Variants in KIAA1217 observed in about 807,000 individuals in gnomAD.
KIAA1217 encodes sickle tail protein homolog.
In KIAA1217, 88 loss-of-function variants were observed where a neutral mutation model predicts 163.9. That is an observed-to-expected ratio of 0.54 (90% CI 0.45 to 0.64). The LOEUF (loss-of-function observed/expected upper bound fraction) is 0.64, where lower values mean the gene tolerates loss of function less well. Among genes scored for constraint, KIAA1217 ranks in the 30% least tolerant of loss-of-function variants. The probability of loss-of-function intolerance (pLI) is 0.00; values close to 1 mark genes in which losing one functional copy is unlikely to be tolerated. For synonymous variants in KIAA1217, 903 were observed against 923.1 expected, an observed-to-expected ratio of 0.98 and a Z score of 0.39; for missense variants, 2,372 against 2,475.0, an observed-to-expected ratio of 0.96 and a Z score of 0.88.
chr10:24,137,300 T>A (rs921531670), intron 2 of KIAA1217, among the ~76,000 whole-genome samples: 1 of 152,186 alleles, frequency 6.6e-6, no homozygotes, highest in Non-Finnish European at 1.5e-5. Context: ...GATGACTGAA[T>A]CCTGCAGAGA....
Position 23,808,154 on chromosome 10 carries a change from G to A in KIAA1217, c.-321+112920G>A, listed in dbSNP as rs76368193. 5.7e-3 allele frequency among the ~76,000 whole-genome samples: 871 copies of A among 152,300 alleles called. 4 individuals are homozygous for A. Among genetic ancestry groups the A allele is most frequent in the African/African-American group, 0.018 (763 of 41,548 alleles). ...GTACTGAGAAATTAACATGAAAAAT[G>A]TCTTGGAATGGGAGAAATGAGTAGG... On this transcript the variant is annotated intron_variant, in intron 1 of 18. Coordinates refer to the KIAA1217 transcript ENST00000376462.
intron 2 of KIAA1217, among the ~76,000 whole-genome samples, chr10:24,176,030 A>C (rs1317083328): frequency 1.3e-5 from 2 of 152,200 alleles, no homozygotes; most frequent in Non-Finnish European, 2.9e-5. Context: ...TGGCTCTGGC[A>C]ACCTGCTTTT....
At chr10:24,465,684 G>T (rs1313043093) in intron 5 of KIAA1217, among the ~76,000 whole-genome samples, 1 of 152,174 alleles carries the variant, frequency 6.6e-6, no homozygotes, top group East Asian at 1.9e-4. Context: ...CCCACCTTTT[G>T]CTAGCAATGC....
chr10:24,233,736 TTATC>T (rs1158491460), intron 2 of KIAA1217, among the ~76,000 whole-genome samples: 1 of 152,242 alleles, frequency 6.6e-6, no homozygotes, highest in Non-Finnish European at 1.5e-5. Flanking sequence ...TCATGGACAT[TTATC>T]TATTCTGTAT....
At chr10:24,279,636 A>T (rs1320786359) in intron 2 of KIAA1217, among the ~76,000 whole-genome samples, 1 of 152,208 alleles carries the variant, frequency 6.6e-6, no homozygotes, top group East Asian at 1.9e-4. Flanking sequence ...TCAATCAAAA[A>T]GTGTAATGAA....
chr10:24,421,919 A>G (rs754575207), intron 3 of KIAA1217, among the ~76,000 whole-genome samples: 4 of 152,150 alleles, frequency 2.6e-5, no homozygotes, highest in Non-Finnish European at 4.4e-5. Context: ...TTCTTATTCT[A>G]TGTCTTCGTC....
chr10:24,405,257 C>A (rs915346283), intron 3 of KIAA1217, among the ~76,000 whole-genome samples: 1 of 152,064 alleles, frequency 6.6e-6, no homozygotes, highest in East Asian at 1.9e-4. Flanking sequence ...AGAGTGCCTG[C>A]GACCTCCCTG....
In KIAA1217 at chr10:24,131,157, T is replaced by C. The variant is rs549126767; in HGVS notation, c.-170-88469T>C. 1.7e-4 allele frequency among the ~76,000 whole-genome samples: 26 copies of C among 152,322 alleles called. 1 individual carries two copies. The East Asian group carries it at 4.8e-3, about 28-fold the overall frequency. ...TAAAAATAGCATTAACATACTGAGA[T>C]CCAAGGTGGATTTGAAGACTATTTT... On this transcript the variant is annotated intron_variant, in intron 2 of 18. Coordinates refer to the KIAA1217 transcript ENST00000376462.
At chr10:24,301,357 G>GC (rs2041307755) in intron 2 of KIAA1217, among the ~76,000 whole-genome samples, 1 of 152,146 alleles carries the variant, frequency 6.6e-6, no homozygotes, top group African/African-American at 2.4e-5. Flanking sequence ...TACTATTAAG[G>GC]CTGATAAACT....
chr10:23,893,691 G>A (rs1438926468), intron 1 of KIAA1217, among the ~76,000 whole-genome samples: 1 of 151,944 alleles, frequency 6.6e-6, no homozygotes, highest in Non-Finnish European at 1.5e-5. Flanking sequence ...AACCAAAAAA[G>A]AGAATTTTAG....
intron 2 of KIAA1217, among the ~76,000 whole-genome samples, chr10:24,225,554 T>C (rs1450298812): frequency 1.3e-5 from 2 of 152,254 alleles, no homozygotes; most frequent in Admixed American, 1.3e-4. Context: ...ATTTCTTTTA[T>C]TTATTTATCC....
At chr10:24,262,519 C>T (rs753236376) in intron 2 of KIAA1217, among the ~76,000 whole-genome samples, 10 of 151,516 alleles carry the variant, frequency 6.6e-5, no homozygotes, top group Non-Finnish European at 1.2e-4. Context: ...CCCAGCTTTT[C>T]GGGAGGCTGA....
intron 9 of KIAA1217, among the ~76,000 whole-genome samples, chr10:24,505,665 T>C (rs2068245320): frequency 6.6e-6 from 1 of 152,064 alleles, no homozygotes; most frequent in African/African-American, 2.4e-5. Context: ...GACCTCCTAC[T>C]TCTTTCATCC....
At chr10:24,140,249 A>C (rs1351149445) in intron 2 of KIAA1217, among the ~76,000 whole-genome samples, 1 of 151,692 alleles carries the variant, frequency 6.6e-6, no homozygotes, top group African/African-American at 2.4e-5. Flanking sequence ...AGTCCCAGCT[A>C]CTCAGGAGGC....
intron 1 of KIAA1217, among the ~76,000 whole-genome samples, chr10:23,985,716 TG>T (rs955797467): frequency 1.3e-4 from 20 of 152,232 alleles, no homozygotes; most frequent in African/African-American, 4.6e-4. Context: ...CTTGGTTCTT[TG>T]GGTTTCCTTG....
At chr10:23,730,916 T>A (rs1838439556) in intron 1 of KIAA1217, among the ~76,000 whole-genome samples, 1 of 152,234 alleles carries the variant, frequency 6.6e-6, no homozygotes, top group South Asian at 2.1e-4. Flanking sequence ...ATTTTCTTCA[T>A]AGACTAACAT....
chr10:24,386,325 C>T (rs1215717198), intron 3 of KIAA1217, among the ~76,000 whole-genome samples: 1 of 152,056 alleles, frequency 6.6e-6, no homozygotes, highest in East Asian at 1.9e-4. Flanking sequence ...TCTTTTATTC[C>T]AACATGATTA....
intron 3 of KIAA1217, among the ~76,000 whole-genome samples, chr10:24,391,407 G>A (rs953417831): frequency 5.1e-5 from 7 of 137,440 alleles, no homozygotes; most frequent in Admixed American, 1.6e-4. Context: ...GTGCAGTGGT[G>A]TGATCTCAAC....
chr10:23,908,879 G>A (rs190224713), intron 1 of KIAA1217, among the ~76,000 whole-genome samples: 14 of 152,160 alleles, frequency 9.2e-5, no homozygotes, highest in East Asian at 7.8e-4. Flanking sequence ...CAGCAATCCC[G>A]TTACTGGGTG....
Sources: allele counts gnomAD v4.1 joint callset (sites outside exome capture counted in the v4.1 genomes callset), GRCh38; gene constraint gnomAD v4.1.1; transcripts MANE v1.5; gene names NCBI Gene and HGNC (gene_info 2026-07-23, HGNC 2026-07-21).